Variants in KIF1A observed in about 807,000 individuals in gnomAD.
The protein encoded by KIF1A is kinesin family member 1A, also known as kinesin-like protein KIF1A.
A neutral mutation model predicts 227.3 loss-of-function variants in KIF1A; 46 were observed. That is an observed-to-expected ratio of 0.20 (90% CI 0.16 to 0.26). KIF1A has a LOEUF of 0.26. Among genes scored for constraint, KIF1A ranks in the 10% least tolerant of loss-of-function variants. The pLI is 1.00. For synonymous variants in KIF1A, 1,022 were observed against 1,012.8 expected (o/e 1.01, Z -0.17); for missense variants, 1,683 against 2,485.9 (o/e 0.68, Z 6.87).
At position 240,757,108 on chromosome 2, in the gene KIF1A, G is replaced by A. The variant is rs769287395; in HGVS notation, c.2858+211C>T. On this transcript the variant is annotated intron_variant, in intron 27 of 48. Transcript: ENST00000498729. This position sits in a 1 kb window ranked among gnomAD's most constrained non-coding sequence, Gnocchi z 6.2. Reference sequence around the variant, plus strand: ...AGACTCTTCCCTGCCGGCCCAAAGCGACCGTCTCCAGGATGGGTGAGCAGC... The same window carrying A: ...AGACTCTTCCCTGCCGGCCCAAAGCAACCGTCTCCAGGATGGGTGAGCAGC... Among the ~76,000 whole-genome samples, 5 of 152,200 alleles carry A rather than the reference G, an allele frequency of 3.3e-5. No individual in the cohort carries two copies. Among genetic ancestry groups the A allele is most frequent in the East Asian group, 3.9e-4 (2 of 5,180 alleles).
At chr2:240,735,802 T>A (rs2047244068) in intron 38 of KIF1A, among the ~76,000 whole-genome samples, 1 of 151,944 alleles carries the variant, frequency 6.6e-6, no homozygotes, top group African/African-American at 2.4e-5. Flanking sequence ...CTGGTCTGCC[T>A]CACCTCTCCC....
intron 1 of KIF1A, among the ~76,000 whole-genome samples, chr2:240,805,108 G>GGAGGGAGAGGGGAGGGAGGGCA (rs2057302062): frequency 1.6e-5 from 1 of 60,944 alleles, no homozygotes; most frequent in Non-Finnish European, 3.4e-5. Context: ...GAGAGGGGAG[G>GGAGGGAGAGGGGAGGGAGGGCA]GAGGGAGAGG....
chr2:240,772,441 C>T, intron 14 of KIF1A, 129 bp downstream of exon 14: 1 of 738,648 alleles, frequency 1.4e-6, no homozygotes, highest in South Asian at 1.8e-5. Flanking sequence ...TGCTTTCTGC[C>T]CCCCAAAAAG....
In KIF1A at chr2:240,792,190, G is replaced by A. The variant is rs1422803005; in HGVS notation, c.107-2878C>T. Among the ~76,000 whole-genome samples, 1 of 152,210 alleles carries A rather than the reference G, an allele frequency of 6.6e-6. No individual in the cohort carries two copies. Among genetic ancestry groups the A allele is most frequent in the Non-Finnish European group, 1.5e-5 (1 of 68,038 alleles). ...CCCAGCCCTGAGGTCCGCCAGGCCT[G>A]TGGAGACAGGCAGCCCCTCCTTCAG... is the stretch of plus-strand genomic sequence containing the variant. On this transcript the variant is annotated intron_variant, in intron 2 of 48. Transcript: ENST00000498729. This position sits in a 1 kb window ranked among gnomAD's most constrained non-coding sequence, Gnocchi z 4.5.
In KIF1A at chr2:240,757,408, G is replaced by A. The variant is rs555369894; in HGVS notation, c.2769C>T (p.Asp923=). 1.1e-5 allele frequency: 17 copies of A among 1,533,014 alleles called. No individual in the cohort carries two copies. Among genetic ancestry groups the A allele is most frequent in the Non-Finnish European group, 1.4e-5 (16 of 1,141,786 alleles). 95.0% of individuals were successfully genotyped at this position (1,533,014 alleles called of 1,614,324 possible). Residue 923 remains aspartate, a synonymous_variant, in exon 27 of 49, where the codon GAC becomes GAT. Transcript: ENST00000498729. This position sits in a 1 kb window ranked among gnomAD's most constrained non-coding sequence, Gnocchi z 6.2. ...GCTCCGGAAAGACGTCGTCCTCCAG[G>A]TCCTCCTCCTCCTCATCCTCCTCCT... ...EEEEEDEEEE[D]LEDDVFPEHA...
chr2:240,817,886 C>T lies in KIF1A; in HGVS notation c.-61+2236G>A, dbSNP rs182177720. On this transcript the variant is annotated intron_variant, in intron 1 of 48. Coordinates refer to ENST00000498729, the MANE Select transcript of KIF1A (RefSeq NM_001244008.2). ...GCAGTCATGACATCAGTGAGGACTG[C>T]GGGGCACAGGCTGGGCGGCCGGGCA... 1.1e-3 allele frequency among the ~76,000 whole-genome samples: 166 copies of T among 152,328 alleles called. 1 individual carries two copies. The highest frequency in any genetic ancestry group is 1.8e-3 in the Admixed American group (28 of 15,304).
At chr2:240,762,216 G>A (rs1049132493) in intron 23 of KIF1A, among the ~76,000 whole-genome samples, 1 of 152,236 alleles carries the variant, frequency 6.6e-6, no homozygotes, top group Non-Finnish European at 1.5e-5. Context: ...ACCTGCATGT[G>A]GGCCACCTCT....
intron 14 of KIF1A, among the ~76,000 whole-genome samples, chr2:240,772,230 G>A (rs577139471): frequency 8.5e-5 from 13 of 152,286 alleles, no homozygotes; most frequent in Admixed American, 7.8e-4. Context: ...CCTGACCTTC[G>A]CAGGCCTTTG....
Position 240,767,272 on chromosome 2 carries a change from A to G in KIF1A, c.1571T>C (p.Ile524Thr), listed in dbSNP as rs1355751702. The change falls in exon 18 of 49, where the codon ATC (isoleucine) becomes ACC (threonine). Residue 524 changes from isoleucine to threonine, a missense_variant. Physicochemically the swap from Ile to Thr is moderately conservative, Grantham distance 89. Coordinates refer to ENST00000498729, the MANE Select transcript of KIF1A (RefSeq NM_001244008.2). ...ECLLYYIKDG[I>T]TRVGREDGER... is the part of the protein sequence containing the mutation. ...CTGCCAGGTCCCCTCTCACCTGGTGATCCCATCCTTGATGTAGTAGAGCAG... is the reference window on the plus strand; with the variant it reads ...CTGCCAGGTCCCCTCTCACCTGGTGGTCCCATCCTTGATGTAGTAGAGCAG... The G allele has an allele frequency of 1.1e-5, 18 of 1,612,932 alleles. No individual in the cohort carries two copies. Among genetic ancestry groups the G allele is most frequent in the Non-Finnish European group, 1.4e-5 (17 of 1,179,530 alleles).
chr2:240,772,642 G>T, intron 13 of KIF1A, 46 bp from the exon 14 acceptor site: 1 of 1,475,022 alleles, frequency 6.8e-7, no homozygotes, highest in South Asian at 1.2e-5. Flanking sequence ...CAGAGAAACA[G>T]AAGAACAGGT....
chr2:240,718,683 G>A (rs998528102), intron 47 of KIF1A, among the ~76,000 whole-genome samples: 13 of 152,226 alleles, frequency 8.5e-5, no homozygotes, highest in Non-Finnish European at 1.9e-4. Flanking sequence ...CTGCAGGGCT[G>A]GTGCCACCCA....
rs572013653 is a variant in KIF1A at position 240,758,356 on chromosome 2, C to T, written c.2582+4G>A. On this transcript the variant is annotated splice_donor_region_variant and intron_variant, in intron 26 of 48. Coordinates refer to ENST00000498729, the MANE Select transcript of KIF1A (RefSeq NM_001244008.2). The surrounding 1 kb of genome is among the most constrained non-coding windows in gnomAD (Gnocchi z 5.2). ...CTCTGCCAAGGAAGGGAGGAGGCGC[C>T]CACCTGCCCACCAGCCGGAACCAGG... 153 of 1,608,708 alleles carry T rather than the reference C, an allele frequency of 9.5e-5. 1 individual carries two copies. In the Admixed American group the frequency reaches 2.4e-3, roughly 25 times the overall value.
chr2:240,720,256 T>G, intron 45 of KIF1A: 1 of 231,232 alleles, frequency 4.3e-6, no homozygotes, highest in Non-Finnish European at 8.4e-6. Flanking sequence ...CCAGCATCTC[T>G]TCATCTCCAC....
chr2:240,772,513 C>A, intron 14 of KIF1A, 57 bp downstream of exon 14: 1 of 1,486,004 alleles, frequency 6.7e-7, no homozygotes, highest in Non-Finnish European at 9.2e-7. Flanking sequence ...ACCCTAGGCC[C>A]TCATGCTGGC....
In KIF1A at chr2:240,745,782, C is replaced by T. The variant is rs200149062; in HGVS notation, c.3330G>A (p.Ala1110=). The T allele has an allele frequency of 8.4e-4, 1,361 of 1,612,872 alleles. 2 individuals are homozygous for T. Among genetic ancestry groups the T allele is most frequent in the Non-Finnish European group, 1.1e-3 (1,290 of 1,179,636 alleles). Residue 1110 remains alanine, a synonymous_variant, in exon 31 of 49, where the codon GCG becomes GCA. Coordinates refer to ENST00000498729, the MANE Select transcript of KIF1A (RefSeq NM_001244008.2). The part of the protein sequence containing the change: ...TFTFRVTVLQ[A]SSISAEYADI... The stretch of plus-strand genomic sequence containing the variant: ...CGGCATATTCGGCAGAGATGCTGGA[C>T]GCCTGCAGGACTGTCACACGGAAGG...
At position 240,741,373 on chromosome 2, in the gene KIF1A, G is replaced by A. The variant is rs527460432; in HGVS notation, c.3645C>T (p.Pro1215=). ...GCGTCAGTGTGCTGAGCTTGGTGGC[G>A]GGCACTGTAGGGACAGGAGGGAGGC... ...PRVMPLSKPV[P]ATKLSTLTRP... The change falls in exon 35 of 49, where the codon CCC becomes CCT. Residue 1215 remains proline, a synonymous_variant. Transcript: ENST00000498729. 39 of 1,565,254 alleles carry A rather than the reference G, an allele frequency of 2.5e-5. No homozygotes were observed. In the South Asian group the frequency reaches 3.6e-4, roughly 15 times the overall value.
At chr2:240,722,925 G>A (rs1340536904) in intron 42 of KIF1A, among the ~76,000 whole-genome samples, 4 of 152,146 alleles carry the variant, frequency 2.6e-5, no homozygotes, top group Non-Finnish European at 4.4e-5. Flanking sequence ...CATCTCACGC[G>A]CCAGGTTCTG....
intron 38 of KIF1A, among the ~76,000 whole-genome samples, chr2:240,732,985 TGAG>T (rs1182773628): frequency 1.2e-5 from 1 of 82,374 alleles, no homozygotes; most frequent in Non-Finnish European, 2.3e-5. Context: ...GATGAGGGTA[TGAG>T]GAAGGGATGA....
chr2:240,783,194 G>T, intron 8 of KIF1A, 85 bp from the exon 9 acceptor site: 1 of 1,090,104 alleles, frequency 9.2e-7, no homozygotes, highest in Non-Finnish European at 1.4e-6. Context: ...GTGGACCTGT[G>T]CAGTGTGGAG....
Sources: gnomAD v4.1 joint callset for allele counts (sites outside exome capture counted in the v4.1 genomes callset) on GRCh38, gnomAD v4.1.1 for gene constraint, Gnocchi (gnomAD v3.1) non-coding constraint, MANE v1.5 for transcripts, NCBI Gene and HGNC (gene_info 2026-07-23, HGNC 2026-07-21) for gene names.